Variants in SLC6A18 observed in about 807,000 individuals in gnomAD.
SLC6A18 encodes solute carrier family 6 member 18.
In SLC6A18, 58 loss-of-function variants were observed where a neutral mutation model predicts 62.9. The ratio of observed to expected loss-of-function variants is 0.92; its 90% CI spans 0.75 to 1.15. SLC6A18 has a LOEUF of 1.15. Among genes scored for constraint, SLC6A18 ranks in the 50% most tolerant of loss-of-function variants. The pLI is 0.00. For synonymous variants in SLC6A18, 382 were observed against 365.8 expected, an observed-to-expected ratio of 1.04 and a Z score of -0.51; for missense variants, 793 against 836.6, an observed-to-expected ratio of 0.95 and a Z score of 0.64.
intron 1 of SLC6A18, among the ~76,000 whole-genome samples, chr5:1,226,563 A>C (rs1273462021): frequency 6.6e-6 from 1 of 152,220 alleles, no homozygotes; most frequent in African/African-American, 2.4e-5. Flanking sequence ...CCTCCTGCTT[A>C]AGAAAAGATT....
At chr5:1,242,023 G>T (rs979937953) in intron 7 of SLC6A18, among the ~76,000 whole-genome samples, 3 of 133,834 alleles carry the variant, frequency 2.2e-5, no homozygotes, top group Admixed American at 8.8e-5. Flanking sequence ...GGCTGTCTGT[G>T]CTTGAACCTT....
chr5:1,239,423 TGA>T (rs1561179280), intron 5 of SLC6A18, 25 bp from the exon 6 acceptor site: 1 of 1,560,646 alleles, frequency 6.4e-7, no homozygotes, highest in Non-Finnish European at 8.8e-7. Flanking sequence ...GCCTGCTGAG[TGA>T]GACGCTCTCC....
chr5:1,239,419 T>C lies in SLC6A18; in HGVS notation c.733-31T>C, dbSNP rs771187510. On this transcript the variant is annotated intron_variant, in intron 5 of 11. Coordinates refer to ENST00000324642, the MANE Select transcript of SLC6A18 (RefSeq NM_182632.3). ...CCACCAGCTCATGTGGTTTGCCTGC[T>C]GAGTGAGACGCTCTCCCTGACTCAT... 5 of 1,551,936 alleles carry C rather than the reference T, an allele frequency of 3.2e-6. No homozygotes were observed. The South Asian group carries it at 4.5e-5, about 14-fold the overall frequency.
At chr5:1,244,810 C>T (rs371494607) in intron 11 of SLC6A18, 43 bp downstream of exon 11, 19 of 1,562,568 alleles carry the variant, frequency 1.2e-5, no homozygotes, top group Middle Eastern at 1.7e-4. Flanking sequence ...TGGGACCCCT[C>T]GGGCTTGGTC....
chr5:1,246,006 AGACACGGACATGCGCCCG>A lies in SLC6A18; in HGVS notation c.1826_1843del (p.Met609_Asp614del), dbSNP rs758928165. On this transcript the variant is annotated inframe_deletion, in exon 12 of 12. Coordinates refer to ENST00000324642, the MANE Select transcript of SLC6A18 (RefSeq NM_182632.3). ...CGTGGAGGGACAGGGACGCGCGCCC[AGACACGGACATGCGCCCG>A]GACACGGACACGCGCCCAGACACGG... is the stretch of plus-strand genomic sequence containing the variant. 53 of 1,596,204 alleles carry A rather than the reference AGACACGGACATGCGCCCG, an allele frequency of 3.3e-5. 1 individual carries two copies. Among genetic ancestry groups the A allele is most frequent in the Middle Eastern group, 3.3e-4 (2 of 6,044 alleles).
Position 1,244,318 on chromosome 5 carries a change from C to T in SLC6A18, c.1441C>T (p.Leu481Phe), listed in dbSNP as rs746731046. The change falls in exon 10 of 12, where the codon CTC becomes TTC. Residue 481 changes from leucine (L) to phenylalanine (F), a missense_variant. Coordinates refer to ENST00000324642, the MANE Select transcript of SLC6A18 (RefSeq NM_182632.3). ...FDNFAASPNL[L>F]MLAFLEVVGV... ...CAATTTTGCCGCTTCCCCGAACCTG[C>T]TCATGTTGGCCTTTCTCGAGGTTGT... 30 of 1,614,016 alleles carry T rather than the reference C, an allele frequency of 1.9e-5. No homozygotes were observed. The highest frequency in any genetic ancestry group is 2.5e-5 in the Non-Finnish European group (29 of 1,180,004).
chr5:1,226,629 ACCC>A (rs1746574867), intron 1 of SLC6A18, among the ~76,000 whole-genome samples: 1 of 151,956 alleles, frequency 6.6e-6, no homozygotes, highest in African/African-American at 2.4e-5. Context: ...AAAAAGAAAC[ACCC>A]GTCACTGCCA....
intron 5 of SLC6A18, 44 bp downstream of exon 5, chr5:1,238,104 A>G (rs1273786438): frequency 6.8e-7 from 1 of 1,462,328 alleles, no homozygotes; most frequent in Non-Finnish European, 9.6e-7. Flanking sequence ...CAGCACACAC[A>G]TTTCAGGGCT....
chr5:1,238,670 G>A lies in SLC6A18; in HGVS notation c.732+610G>A, dbSNP rs111408076. Among the ~76,000 whole-genome samples, 777 of 149,712 alleles carry A rather than the reference G, an allele frequency of 5.2e-3. 28 individuals carry two copies. Among genetic ancestry groups the A allele is most frequent in the African/African-American group, 0.019 (741 of 39,430 alleles). On this transcript the variant is annotated intron_variant, in intron 5 of 11. Transcript: ENST00000324642. Reference sequence around the variant, plus strand: ...CAGGAAAGAGGTCAGGTTTGGAGTGGGCCTGGAGGAGGACTTCGGTCTGGG... The same window carrying A: ...CAGGAAAGAGGTCAGGTTTGGAGTGAGCCTGGAGGAGGACTTCGGTCTGGG...
In SLC6A18 at chr5:1,238,338, C is replaced by T. The variant is rs563248613; in HGVS notation, c.732+278C>T. On this transcript the variant is annotated intron_variant, in intron 5 of 11. Coordinates refer to ENST00000324642, the MANE Select transcript of SLC6A18 (RefSeq NM_182632.3). Reference sequence around the variant, plus strand: ...GAAAGACATCAGGTTTGGAGTGAGCCTGGGGCCTCAGGAAAGAGGTCAGGT... The same window carrying T: ...GAAAGACATCAGGTTTGGAGTGAGCTTGGGGCCTCAGGAAAGAGGTCAGGT... 4.0e-3 allele frequency among the ~76,000 whole-genome samples: 420 copies of T among 105,062 alleles called. 16 individuals are homozygous for T. The highest frequency in any genetic ancestry group is 0.014 in the African/African-American group (365 of 25,586). 68.9% of individuals were successfully genotyped at this position (105,062 alleles called of 152,430 possible). A position where few individuals can be genotyped will look rare whatever the true frequency, so the allele number is the denominator to read the frequency against.
At chr5:1,235,440 T>C (rs757092922) in intron 3 of SLC6A18, 41 bp from the exon 4 acceptor site, 3 of 1,600,784 alleles carry the variant, frequency 1.9e-6, no homozygotes, top group Non-Finnish European at 2.6e-6. Flanking sequence ...TGAGGGTGCC[T>C]ACGCCCCACA....
In SLC6A18 at chr5:1,246,023, C is replaced by G. The variant is rs763315411; in HGVS notation, c.1832C>G (p.Pro611Arg). Residue 611 changes from proline (P) to arginine (R), a missense_variant, in exon 12 of 12, where the codon CCG becomes CGG. By Grantham distance (103) the Pro-to-Arg change is moderately radical. Transcript: ENST00000324642. ...GCGCGCCCAGACACGGACATGCGCC[C>G]GGACACGGACACGCGCCCAGACACG... ...RDARPDTDMR[P>R]DTDTRPDTDM... The G allele has an allele frequency of 6.3e-6, 10 of 1,593,794 alleles. No homozygotes were observed. In the East Asian group the frequency reaches 2.3e-4, roughly 36 times the overall value.
In SLC6A18 at chr5:1,225,653, C is replaced by T. The variant is rs201806821; in HGVS notation, c.160+16C>T. 1.0e-4 allele frequency: 162 copies of T among 1,544,536 alleles called. No individual in the cohort carries two copies. The highest frequency in any genetic ancestry group is 1.2e-4 in the Non-Finnish European group (141 of 1,144,408). ...TATGGAGGAGGTAAGCACCCACCTG[C>T]GTCCTGGGGCAGACCCCTAAGCAGG... On this transcript the variant is annotated intron_variant, in intron 1 of 11. Coordinates refer to ENST00000324642, the MANE Select transcript of SLC6A18 (RefSeq NM_182632.3).
intron 1 of SLC6A18, among the ~76,000 whole-genome samples, chr5:1,226,797 T>C (rs1180536868): frequency 1.3e-5 from 2 of 152,170 alleles, no homozygotes; most frequent in Non-Finnish European, 2.9e-5. Flanking sequence ...CCTCGCTGCC[T>C]GTGCTGCGGC....
intron 1 of SLC6A18, among the ~76,000 whole-genome samples, chr5:1,227,160 G>A (rs1161182076): frequency 2.2e-5 from 3 of 138,918 alleles, no homozygotes; most frequent in Non-Finnish European, 5.0e-5. Context: ...CTTGCCCGCC[G>A]ATGCCTTGCC....
intron 5 of SLC6A18, among the ~76,000 whole-genome samples, chr5:1,238,972 T>C (rs1579531571): frequency 6.6e-6 from 1 of 152,064 alleles, no homozygotes; most frequent in Non-Finnish European, 1.5e-5. Flanking sequence ...CAGGGGCTGG[T>C]GTGGGAGTGG....
At position 1,245,752 on chromosome 5, in the gene SLC6A18, G is replaced by A. The variant is rs927917664; in HGVS notation, c.1657-96G>A. ...TTTCCATTCCCATCCAAGTCCGGGT[G>A]GGCAGGTGGCTCTTGCCCCTTGGAT... On this transcript the variant is annotated intron_variant, in intron 11 of 11. Coordinates refer to ENST00000324642, the MANE Select transcript of SLC6A18 (RefSeq NM_182632.3). 4 of 1,285,962 alleles carry A rather than the reference G, an allele frequency of 3.1e-6. No homozygotes were observed. The African/African-American group carries it at 6.0e-5, about 19-fold the overall frequency. 79.7% of individuals were successfully genotyped at this position (1,285,962 alleles called of 1,614,324 possible).
At chr5:1,244,967 G>A (rs554521285) in intron 11 of SLC6A18, among the ~76,000 whole-genome samples, 200 bp downstream of exon 11, 5 of 152,098 alleles carry the variant, frequency 3.3e-5, no homozygotes, top group East Asian at 1.9e-4. Context: ...CCGAGTGCCC[G>A]CTGGGATCAG....
At chr5:1,229,931 A>T (rs1746681121) in intron 1 of SLC6A18, among the ~76,000 whole-genome samples, 2 of 117,440 alleles carry the variant, frequency 1.7e-5, no homozygotes, top group African/African-American at 6.9e-5. Context: ...TCTCAGGTGC[A>T]GGCTGGAGGG....
Sources: allele counts gnomAD v4.1 joint callset (sites outside exome capture counted in the v4.1 genomes callset), GRCh38; gene constraint gnomAD v4.1.1; transcripts MANE v1.5; gene names NCBI Gene and HGNC (gene_info 2026-07-23, HGNC 2026-07-21).